The following KCNB2 variants were observed in gnomAD, a reference collection of about 807,000 sequenced individuals.
KCNB2 encodes potassium voltage-gated channel subfamily B member 2, also known as delayed rectifier potassium channel protein.
A neutral mutation model predicts 61.5 loss-of-function variants in KCNB2; 15 were observed. The ratio of observed to expected loss-of-function variants is 0.24; its 90% CI spans 0.16 to 0.38. KCNB2 has a LOEUF of 0.38. KCNB2 is among the 10% of genes least tolerant of loss of function. KCNB2 has a pLI of 1.00. For missense variants in KCNB2, 828 were observed against 1,125.2 expected (o/e 0.74, Z 3.78); for synonymous variants, 457 against 446.0 (o/e 1.02, Z -0.31).
At chr8:72,677,228 T>C (rs752055713) in intron 2 of KCNB2, among the ~76,000 whole-genome samples, 23 of 152,158 alleles carry the variant, frequency 1.5e-4, no homozygotes, top group Admixed American at 4.6e-4. Context: ...GCAGTCATAG[T>C]CCTGCTGACA....
chr8:72,667,111 G>A (rs73305902), intron 2 of KCNB2, among the ~76,000 whole-genome samples: 4,268 of 152,156 alleles, frequency 0.028, 76 homozygotes, highest in South Asian at 0.074. Flanking sequence ...TCTATGTCTT[G>A]GTTTGATCCT....
intron 2 of KCNB2, among the ~76,000 whole-genome samples, chr8:72,831,746 CAA>C (rs1183286300): frequency 6.6e-6 from 1 of 152,168 alleles, no homozygotes; most frequent in Non-Finnish European, 1.5e-5. Flanking sequence ...GAACCCATAA[CAA>C]AGATATGAAA....
At chr8:72,694,021 G>A (rs980158130) in intron 2 of KCNB2, among the ~76,000 whole-genome samples, 3 of 151,950 alleles carry the variant, frequency 2.0e-5, no homozygotes, top group Non-Finnish European at 4.4e-5. Flanking sequence ...ATTTACATTG[G>A]GAAAGAAAAT....
intron 1 of KCNB2, among the ~76,000 whole-genome samples, chr8:72,553,315 A>G (rs1245329577): frequency 6.6e-6 from 1 of 152,116 alleles, no homozygotes; most frequent in Non-Finnish European, 1.5e-5. Flanking sequence ...CTGACTCTTG[A>G]GTTCTTTGCC....
intron 2 of KCNB2, among the ~76,000 whole-genome samples, chr8:72,674,162 C>T (rs577377586): frequency 6.6e-5 from 10 of 152,134 alleles, no homozygotes; most frequent in African/African-American, 2.4e-4. Flanking sequence ...GAACCCTAAG[C>T]GTAACTCTGA....
chr8:72,689,779 T>G (rs925913622), intron 2 of KCNB2, among the ~76,000 whole-genome samples: 5 of 152,224 alleles, frequency 3.3e-5, no homozygotes. Flanking sequence ...TATATCGCAT[T>G]TTATCCATTC....
intron 2 of KCNB2, among the ~76,000 whole-genome samples, chr8:72,763,729 C>T (rs994953355): frequency 2.6e-5 from 4 of 152,154 alleles, no homozygotes; most frequent in South Asian, 2.1e-4. Context: ...TCACTGAAGT[C>T]CTGTACTGCT....
At chr8:72,793,942 C>T (rs1808984973) in intron 2 of KCNB2, among the ~76,000 whole-genome samples, 1 of 152,114 alleles carries the variant, frequency 6.6e-6, no homozygotes, top group African/African-American at 2.4e-5. Flanking sequence ...AAGGACTGAG[C>T]CACTTAAGTA....
intron 2 of KCNB2, among the ~76,000 whole-genome samples, chr8:72,673,983 A>G (rs972553078): frequency 5.9e-5 from 9 of 152,216 alleles, no homozygotes; most frequent in African/African-American, 1.4e-4. Flanking sequence ...TAAAAAATGA[A>G]AGAGAAAAAA....
chr8:72,617,909 G>A (rs891419251), intron 2 of KCNB2, among the ~76,000 whole-genome samples: 14 of 152,100 alleles, frequency 9.2e-5, no homozygotes, highest in Admixed American at 3.9e-4. Flanking sequence ...TTATCTAAGC[G>A]GCGTCTGAAG....
chr8:72,902,851 T>C (rs1806111902), intron 2 of KCNB2, among the ~76,000 whole-genome samples: 1 of 152,296 alleles, frequency 6.6e-6, no homozygotes, highest in East Asian at 1.9e-4. Context: ...GCATCTTATT[T>C]TTCCTCCATC....
At chr8:72,555,616 A>G (rs953176027) in intron 1 of KCNB2, among the ~76,000 whole-genome samples, 1 of 151,842 alleles carries the variant, frequency 6.6e-6, no homozygotes, top group Admixed American at 6.6e-5. Flanking sequence ...AAAAAATGAA[A>G]AAAACCCATA....
intron 2 of KCNB2, among the ~76,000 whole-genome samples, chr8:72,700,930 G>A (rs1317354027): frequency 6.6e-6 from 1 of 152,144 alleles, no homozygotes; most frequent in Non-Finnish European, 1.5e-5. Flanking sequence ...GTCCTTTGCA[G>A]CAACATATAG....
chr8:72,770,745 G>C (rs1808544353), intron 2 of KCNB2, among the ~76,000 whole-genome samples: 1 of 152,120 alleles, frequency 6.6e-6, no homozygotes, highest in Non-Finnish European at 1.5e-5. Flanking sequence ...CTCAATAAAT[G>C]ATCACTATTA....
At chr8:72,603,784 A>T (rs1420283338) in intron 2 of KCNB2, among the ~76,000 whole-genome samples, 1 of 152,170 alleles carries the variant, frequency 6.6e-6, no homozygotes, top group African/African-American at 2.4e-5. Flanking sequence ...TCTTACTCCA[A>T]ACTTGCTCGT....
chr8:72,805,855 G>A (rs117710984), intron 2 of KCNB2, among the ~76,000 whole-genome samples: 3,470 of 152,248 alleles, frequency 0.023, 48 homozygotes, highest in Middle Eastern at 0.037. Flanking sequence ...CTGACTACTG[G>A]AACCATGTAT....
intron 2 of KCNB2, among the ~76,000 whole-genome samples, chr8:72,632,284 C>T (rs1044162825): frequency 2.0e-5 from 3 of 152,022 alleles, no homozygotes; most frequent in African/African-American, 4.8e-5. Context: ...AATCAAAAGA[C>T]GAATATTATT....
At position 72,747,812 on chromosome 8, in the gene KCNB2, A is replaced by G. The variant is rs371061685; in HGVS notation, c.579+179499A>G. 1.7e-4 allele frequency among the ~76,000 whole-genome samples: 26 copies of G among 152,362 alleles called. No homozygotes were observed. The East Asian group carries it at 4.8e-3, about 28-fold the overall frequency. ...AAGGAAACGAACAAGATAATTGTCA[A>G]CTTACTGTAATATTGTCATGCTTAG... On this transcript the variant is annotated intron_variant, in intron 2 of 2. Transcript: ENST00000523207.
intron 2 of KCNB2, among the ~76,000 whole-genome samples, chr8:72,572,498 G>A (rs1454022903): frequency 6.6e-6 from 1 of 151,794 alleles, no homozygotes; most frequent in Non-Finnish European, 1.5e-5. Context: ...TCATTAATCT[G>A]TAGCCACCAC....
Sources: gnomAD v4.1 joint callset for allele counts (sites outside exome capture counted in the v4.1 genomes callset) on GRCh38, gnomAD v4.1.1 for gene constraint, MANE v1.5 for transcripts, NCBI Gene and HGNC (gene_info 2026-07-23, HGNC 2026-07-21) for gene names.